Variants in BRCA2 observed in about 807,000 individuals in gnomAD.
BRCA2 encodes BRCA2 DNA repair associated, also known as breast cancer type 2 susceptibility protein.
In BRCA2, 203 loss-of-function variants were observed where a neutral mutation model predicts 276.7. The ratio of observed to expected loss-of-function variants is 0.73; its 90% CI spans 0.65 to 0.82. BRCA2 has a LOEUF of 0.82. BRCA2 is among the 40% of genes least tolerant of loss of function. BRCA2 has a pLI of 0.00. For synonymous variants in BRCA2, 1,289 were observed against 1,338.4 expected (o/e 0.96, Z 0.81); for missense variants, 3,920 against 3,915.0 (o/e 1.00, Z -0.03).
intron 12 of BRCA2, 112 bp downstream of exon 12, chr13:32,344,765 C>T (rs1331644437): frequency 1.3e-6 from 1 of 751,528 alleles, no homozygotes; most frequent in South Asian, 1.6e-5. Context: ...CAGACATGAG[C>T]CACTGTGCCT....
At position 32,362,512 on chromosome 13, in the gene BRCA2, T is replaced by C. The variant is rs747906969; in HGVS notation, c.7806-11T>C. The C allele has an allele frequency of 6.2e-7, 1 of 1,612,528 alleles. No individual in the cohort carries two copies. The highest frequency in any genetic ancestry group is 8.5e-7 in the Non-Finnish European group (1 of 1,178,558). ...GGTTTTTATGATAATATTCTACTTT[T>C]ATTTGTTCAGGGCTCTGTGTGACAC... On this transcript the variant is annotated splice_polypyrimidine_tract_variant and intron_variant, in intron 16 of 26. Transcript: ENST00000380152.
rs1207528356 is a variant in BRCA2 at position 32,399,143 on chromosome 13, A to G, written c.*373A>G. 4.7e-6 allele frequency: 1 copy of G among 210,890 alleles called. No homozygotes were observed. The highest frequency in any genetic ancestry group is 9.5e-6 in the Non-Finnish European group (1 of 105,464). 13.1% of individuals were successfully genotyped at this position (210,890 alleles called of 1,614,324 possible). On this transcript the variant is annotated 3_prime_UTR_variant, in exon 27 of 27. Coordinates refer to ENST00000380152, the MANE Select transcript of BRCA2 (RefSeq NM_000059.4). The stretch of plus-strand genomic sequence containing the variant: ...TAGGGAGACCCCCATCTTTACAAAG[A>G]AAAAAAAAAGGGGAAAAGAAAATCT...
intron 17 of BRCA2, 136 bp downstream of exon 17, chr13:32,362,829 C>A: frequency 1.1e-6 from 1 of 926,612 alleles, no homozygotes. Context: ...TGCTGTTCTC[C>A]TGTCATCCCT....
intron 11 of BRCA2, among the ~76,000 whole-genome samples, chr13:32,342,971 C>A (rs1427507906): frequency 6.6e-6 from 1 of 152,014 alleles, no homozygotes; most frequent in Non-Finnish European, 1.5e-5. Flanking sequence ...ATCACTTGAA[C>A]CCTGGAGGCA....
At chr13:32,341,563 C>A (rs547726366) in intron 11 of BRCA2, among the ~76,000 whole-genome samples, 1 of 152,128 alleles carries the variant, frequency 6.6e-6, no homozygotes, top group Non-Finnish European at 1.5e-5. Flanking sequence ...ACTAACTTAA[C>A]TGTTTTCATA....
intron 16 of BRCA2, among the ~76,000 whole-genome samples, chr13:32,362,175 A>C (rs78342910): frequency 3.9e-5 from 6 of 152,166 alleles, no homozygotes; most frequent in African/African-American, 1.4e-4. Context: ...GATGTGAGCT[A>C]CCACTCTTGG....
intron 4 of BRCA2, among the ~76,000 whole-genome samples, chr13:32,325,421 A>AT (rs770334724): frequency 2.6e-5 from 4 of 152,090 alleles, no homozygotes; most frequent in Admixed American, 1.3e-4. Flanking sequence ...ATATTCTGTG[A>AT]TTTTTTAAGT....
At chr13:32,330,510 G>T (rs1056596319) in intron 8 of BRCA2, among the ~76,000 whole-genome samples, 1 of 152,154 alleles carries the variant, frequency 6.6e-6, no homozygotes, top group Non-Finnish European at 1.5e-5. Context: ...AGGGTGACTT[G>T]AACACAAGCA....
At chr13:32,317,047 A>C (rs1482142573) in intron 2 of BRCA2, among the ~76,000 whole-genome samples, 1 of 152,084 alleles carries the variant, frequency 6.6e-6, no homozygotes, top group African/African-American at 2.4e-5. Flanking sequence ...AAAATACAAA[A>C]AATGTGCTGC....
chr13:32,337,071 A>G lies in BRCA2; in HGVS notation c.2716A>G (p.Thr906Ala), dbSNP rs80358528. 1.7e-5 allele frequency: 27 copies of G among 1,609,634 alleles called. No individual in the cohort carries two copies. Among genetic ancestry groups the G allele is most frequent in the South Asian group, 3.4e-5 (3 of 89,390 alleles). ...NERNNLALGN[T>A]KELHETDLTC... The stretch of plus-strand genomic sequence containing the variant: ...AAGGAATAATCTTGCTTTAGGAAAT[A>G]CTAAGGAACTTCATGAAACAGACTT... The change falls in exon 11 of 27, where the codon ACT becomes GCT. Residue 906 changes from threonine to alanine, a missense_variant. Transcript: ENST00000380152.
intron 7 of BRCA2, among the ~76,000 whole-genome samples, chr13:32,327,624 C>A (rs78463790): frequency 5.4e-5 from 8 of 148,688 alleles, no homozygotes; most frequent in African/African-American, 2.0e-4. Flanking sequence ...GATCTGAGAT[C>A]ATCACGCCAC....
At chr13:32,358,668 C>G (rs569509412) in intron 16 of BRCA2, among the ~76,000 whole-genome samples, 2 of 151,770 alleles carry the variant, frequency 1.3e-5, no homozygotes, top group African/African-American at 4.8e-5. Context: ...CGCGGTGGCT[C>G]ACGCCTGTAG....
chr13:32,330,943 C>G lies in BRCA2; in HGVS notation c.706C>G (p.His236Asp), dbSNP rs1359997059. ...GAATGTGAAAAGCTATTTTTCCAATCATGATGAAAGTCTGAAGAAAAATGA... is the reference window on the plus strand; with the variant it reads ...GAATGTGAAAAGCTATTTTTCCAATGATGATGAAAGTCTGAAGAAAAATGA... Reference protein sequence around the residue: ...TANVKSYFSNHDESLKKNDRF... With the variant: ...TANVKSYFSNDDESLKKNDRF... Residue 236 changes from histidine to aspartate, a missense_variant, in exon 9 of 27, where the codon CAT (histidine) becomes GAT (aspartate). His to Asp is a moderately conservative substitution (Grantham distance 81). This residue lies in a region of BRCA2 where 3,263 missense variants were observed against 3,156.9 expected (regional missense o/e 1.03). Coordinates refer to ENST00000380152, the MANE Select transcript of BRCA2 (RefSeq NM_000059.4). 1.2e-6 allele frequency: 2 copies of G among 1,611,914 alleles called. No homozygotes were observed. The highest frequency in any genetic ancestry group is 1.7e-6 in the Non-Finnish European group (2 of 1,178,430).
chr13:32,326,638 C>T lies in BRCA2; in HGVS notation c.631+25C>T, dbSNP rs367871824. The stretch of plus-strand genomic sequence containing the variant: ...GGTAATAATAGCAAATGTGTATTTA[C>T]AAGAAAGAGCAGATGAGGTTGATAA... On this transcript the variant is annotated intron_variant, in intron 7 of 26. Coordinates refer to ENST00000380152, the MANE Select transcript of BRCA2 (RefSeq NM_000059.4). 1,209 of 1,510,676 alleles carry T rather than the reference C, an allele frequency of 8.0e-4. No individual in the cohort carries two copies. The highest frequency in any genetic ancestry group is 9.8e-4 in the Non-Finnish European group (1,070 of 1,089,484). The allele number at this position is 1,510,676 out of a possible 1,614,324, so 93.6% of individuals were successfully genotyped here. A position where few individuals can be genotyped will look rare whatever the true frequency, so the allele number is the denominator to read the frequency against.
rs1363711669 is a variant in BRCA2 at position 32,399,568 on chromosome 13, A to G, written c.*798A>G. ...AATTACTTCAACTAAAAATTCAAAT[A>G]CTTTAAATCAGAAGATTTCATAGTT... On this transcript the variant is annotated 3_prime_UTR_variant, in exon 27 of 27. Transcript: ENST00000380152. 1 of 180,786 alleles carries G rather than the reference A, an allele frequency of 5.5e-6. No individual in the cohort carries two copies. The highest frequency in any genetic ancestry group is 2.4e-5 in the African/African-American group (1 of 42,338). 11.2% of individuals were successfully genotyped at this position (180,786 alleles called of 1,614,324 possible). A position where few individuals can be genotyped will look rare whatever the true frequency, so the allele number is the denominator to read the frequency against.
chr13:32,338,418 G>T lies in BRCA2; in HGVS notation c.4063G>T (p.Asp1355Tyr), dbSNP rs1593901299. Reference sequence around the variant, plus strand: ...TGTTTGTATTCATAAAGATGAAACGGACTTGCTATTTACTGATCAGCACAA... The same window carrying T: ...TGTTTGTATTCATAAAGATGAAACGTACTTGCTATTTACTGATCAGCACAA... ...DTVCIHKDET[D>Y]LLFTDQHNIC... Residue 1355 changes from aspartate (D) to tyrosine (Y), a missense_variant, in exon 11 of 27, where the codon GAC becomes TAC. Coordinates refer to ENST00000380152, the MANE Select transcript of BRCA2 (RefSeq NM_000059.4). The T allele has an allele frequency of 6.2e-7, 1 of 1,605,846 alleles. No individual in the cohort carries two copies.
chr13:32,371,153 T>A lies in BRCA2; in HGVS notation c.8632+53T>A, dbSNP rs1478704441. ...TTATTTCTAATATGAGAACAAAGTC[T>A]TAGAGACTTTGAATTTAACATTTTT... On this transcript the variant is annotated intron_variant, in intron 20 of 26. Coordinates refer to ENST00000380152, the MANE Select transcript of BRCA2 (RefSeq NM_000059.4). 4 of 1,570,568 alleles carry A rather than the reference T, an allele frequency of 2.5e-6. No individual in the cohort carries two copies. The African/African-American group carries it at 5.5e-5, about 21-fold the overall frequency.
chr13:32,398,023 C>G (rs2073047638), intron 26 of BRCA2, 139 bp from the exon 27 acceptor site: 1 of 807,692 alleles, frequency 1.2e-6, no homozygotes, highest in African/African-American at 1.7e-5. Context: ...ACTGAAATCA[C>G]CTAACCTATT....
In BRCA2 at chr13:32,339,633, T is replaced by A. The variant is rs28897735; in HGVS notation, c.5278T>A (p.Ser1760Thr). The part of the protein sequence containing the change: ...SYHSDEVYND[S>T]GYLSKNKLDS... ...CCATTCTGATGAGGTATATAATGAT[T>A]CAGGATATCTCTCAAAAAATAAACT... is the stretch of plus-strand genomic sequence containing the variant. The change falls in exon 11 of 27, where the codon TCA becomes ACA. Residue 1760 changes from serine (S) to threonine (T), a missense_variant. By Grantham distance (58) the Ser-to-Thr change is moderately conservative. Transcript: ENST00000380152. 2 of 1,612,200 alleles carry A rather than the reference T, an allele frequency of 1.2e-6. No individual in the cohort carries two copies. The highest frequency in any genetic ancestry group is 2.2e-5 in the South Asian group (2 of 90,934).
Sources: gnomAD v4.1 joint callset for allele counts (sites outside exome capture counted in the v4.1 genomes callset) on GRCh38, gnomAD v4.1.1 for gene constraint, gnomAD v4.1.1 regional missense constraint, MANE v1.5 for transcripts, NCBI Gene and HGNC (gene_info 2026-07-23, HGNC 2026-07-21) for gene names.